The following RYR2 variants were observed in gnomAD, a reference collection of about 807,000 sequenced individuals.
The protein encoded by RYR2 is cardiac muscle ryanodine receptor-calcium release channel.
A neutral mutation model predicts 601.1 loss-of-function variants in RYR2; 227 were observed. The observed-to-expected ratio is 0.38, with a 90% CI of 0.34 to 0.42. The LOEUF is 0.42. Among genes scored for constraint, RYR2 ranks in the 10% least tolerant of loss-of-function variants. The probability of loss-of-function intolerance (pLI) is 1.00; values close to 1 mark genes in which losing one functional copy is unlikely to be tolerated. For missense variants in RYR2, 4,646 were observed against 6,156.5 expected (o/e 0.75, Z 8.21); for synonymous variants, 2,223 against 2,175.1 (o/e 1.02, Z -0.61).
intron 2 of RYR2, among the ~76,000 whole-genome samples, chr1:237,306,802 G>A (rs1383719714): frequency 3.3e-5 from 5 of 152,126 alleles, no homozygotes; most frequent in Non-Finnish European, 2.9e-5. Flanking sequence ...GGGCATGAAA[G>A]GTTAGATAAC....
chr1:237,216,529 G>A (rs1261050618), intron 1 of RYR2, among the ~76,000 whole-genome samples: 1 of 152,040 alleles, frequency 6.6e-6, no homozygotes, highest in Non-Finnish European at 1.5e-5. Flanking sequence ...CCTGATGTCA[G>A]GAGTTTGAGA....
At chr1:237,338,374 C>A (rs1017317127) in intron 3 of RYR2, among the ~76,000 whole-genome samples, 1 of 152,086 alleles carries the variant, frequency 6.6e-6, no homozygotes, top group Middle Eastern at 3.4e-3. Context: ...TTCTGAGTTT[C>A]CAGTAGTTAA....
chr1:237,669,744 A>C lies in RYR2; in HGVS notation c.8590+1786A>C, dbSNP rs575356728. Among the ~76,000 whole-genome samples the C allele has an allele frequency of 1.0e-4, 15 of 149,236 alleles. No individual in the cohort carries two copies. In the South Asian group the frequency reaches 3.0e-3, roughly 30 times the overall value. On this transcript the variant is annotated intron_variant, in intron 58 of 104. Coordinates refer to ENST00000366574, the MANE Select transcript of RYR2 (RefSeq NM_001035.3). ...CCTAGATGTGATGGCGGCTGGGAAGAGGCGCTCCTCACTTCCTAGATGGGA... is the reference window on the plus strand; with the variant it reads ...CCTAGATGTGATGGCGGCTGGGAAGCGGCGCTCCTCACTTCCTAGATGGGA...
At chr1:237,589,688 G>T (rs888346807) in intron 29 of RYR2, 105 bp from the exon 30 acceptor site, 9 of 1,016,104 alleles carry the variant, frequency 8.9e-6, no homozygotes, top group South Asian at 1.5e-5. Context: ...ACCCTAGGGT[G>T]ACAGCTCTCA....
In RYR2 at chr1:237,664,741, C is replaced by T. The variant is rs1024447710; in HGVS notation, c.8437-1771C>T. On this transcript the variant is annotated intron_variant, in intron 56 of 104. Transcript: ENST00000366574. The stretch of plus-strand genomic sequence containing the variant: ...TAATAATGGATGAAGGGGAGTAACC[C>T]GAGATGGTTGCCATGGATTCTAGCT... Among the ~76,000 whole-genome samples, 9 of 152,108 alleles carry T rather than the reference C, an allele frequency of 5.9e-5. No homozygotes were observed. The South Asian group carries it at 1.9e-3, about 32-fold the overall frequency.
At chr1:237,307,980 C>T (rs546170781) in intron 2 of RYR2, among the ~76,000 whole-genome samples, 17 of 151,760 alleles carry the variant, frequency 1.1e-4, no homozygotes, top group Non-Finnish European at 5.9e-5. Flanking sequence ...TGACTGAGGG[C>T]TAGGAAAATG....
chr1:237,391,320 G>T (rs903631343), intron 10 of RYR2, among the ~76,000 whole-genome samples: 51 of 152,064 alleles, frequency 3.4e-4, no homozygotes, highest in African/African-American at 1.1e-3. Flanking sequence ...ATTAAACAAA[G>T]AAGTAAAAGT....
chr1:237,544,852 G>A (rs764456952), intron 25 of RYR2, among the ~76,000 whole-genome samples: 23 of 152,102 alleles, frequency 1.5e-4, no homozygotes, highest in Non-Finnish European at 2.8e-4. Context: ...CATTCATGAT[G>A]TCAATAGTGT....
chr1:237,606,776 A>G (rs1437932490), intron 35 of RYR2, among the ~76,000 whole-genome samples: 1 of 152,242 alleles, frequency 6.6e-6, no homozygotes, highest in Non-Finnish European at 1.5e-5. Context: ...GGATATGAAC[A>G]GACACTTCTC....
At position 237,631,454 on chromosome 1, in the gene RYR2, C is replaced by T. The variant is rs1057522408; in HGVS notation, c.6468C>T (p.Tyr2156=). 1.4e-5 allele frequency: 22 copies of T among 1,613,196 alleles called. No individual in the cohort carries two copies. Among genetic ancestry groups the T allele is most frequent in the Non-Finnish European group, 1.8e-5 (21 of 1,179,628 alleles). ...LGDIMNNKVF[Y]QHPNLMRALG... The stretch of plus-strand genomic sequence containing the variant: ...ATATTATGAATAACAAAGTGTTTTA[C>T]CAGCACCCTAATCTCATGAGGGCAC... The change falls in exon 42 of 105, where the codon TAC becomes TAT. Residue 2156 remains tyrosine, a synonymous_variant. Transcript: ENST00000366574.
At chr1:237,247,678 C>T (rs1464544625) in intron 1 of RYR2, among the ~76,000 whole-genome samples, 2 of 152,032 alleles carry the variant, frequency 1.3e-5, no homozygotes, top group East Asian at 1.9e-4. Flanking sequence ...AAAAGAGAAA[C>T]ATTTTGCAGA....
chr1:237,517,121 T>C (rs542005545), intron 24 of RYR2, among the ~76,000 whole-genome samples: 81 of 152,308 alleles, frequency 5.3e-4, no homozygotes, highest in African/African-American at 1.9e-3. Context: ...CCTTGTTCCT[T>C]ATGTTCCAGC....
intron 65 of RYR2, among the ~76,000 whole-genome samples, chr1:237,701,080 C>T (rs1687928917): frequency 6.6e-6 from 1 of 152,218 alleles, no homozygotes; most frequent in African/African-American, 2.4e-5. Context: ...CACTGCCCTG[C>T]TCAGGACATG....
At chr1:237,785,005 T>C in intron 90 of RYR2, 33 bp downstream of exon 90, 1 of 1,435,844 alleles carries the variant, frequency 7.0e-7, no homozygotes, top group South Asian at 1.2e-5. Context: ...CAGCATTCTC[T>C]CTGGACTTCA....
chr1:237,617,721 A>G (rs1399030864), intron 38 of RYR2, among the ~76,000 whole-genome samples: 2 of 152,214 alleles, frequency 1.3e-5, no homozygotes, highest in Non-Finnish European at 2.9e-5. Flanking sequence ...GAGAAGGCCA[A>G]GATATGCCAG....
chr1:237,680,004 A>G (rs1206625615), intron 61 of RYR2, among the ~76,000 whole-genome samples: 1 of 152,204 alleles, frequency 6.6e-6, no homozygotes, highest in Non-Finnish European at 1.5e-5. Flanking sequence ...CTAAGTAGCA[A>G]TGTGACCTTC....
chr1:237,777,259 G>C (rs998982834), intron 87 of RYR2, among the ~76,000 whole-genome samples: 1 of 152,004 alleles, frequency 6.6e-6, no homozygotes, highest in Non-Finnish European at 1.5e-5. Context: ...CACCCCTTTT[G>C]CAGGTAGTGA....
At position 237,717,290 on chromosome 1, in the gene RYR2, G is replaced by T. The variant is rs1021974352; in HGVS notation, c.10416G>T (p.Arg3472=). The stretch of plus-strand genomic sequence containing the variant: ...CTCTGATTGTAGCAGCTCTGAAGCG[G>T]TTACTGCCCATTGGGTTGAACATCT... The part of the protein sequence containing the change: ...QTSLIVAALK[R]LLPIGLNICA... Residue 3472 remains arginine (R), a synonymous_variant, in exon 72 of 105, where the codon CGG becomes CGT. Coordinates refer to ENST00000366574, the MANE Select transcript of RYR2 (RefSeq NM_001035.3). 1 of 1,613,354 alleles carries T rather than the reference G, an allele frequency of 6.2e-7. No individual in the cohort carries two copies. Among genetic ancestry groups the T allele is most frequent in the African/African-American group, 1.3e-5 (1 of 74,910 alleles).
At chr1:237,309,286 G>A (rs1206301232) in intron 2 of RYR2, among the ~76,000 whole-genome samples, 118 of 119,856 alleles carry the variant, frequency 9.8e-4, no homozygotes, top group South Asian at 1.4e-3. Flanking sequence ...TAGACATAAA[G>A]GTTCTCCAAG....
Sources: gnomAD v4.1 joint callset for allele counts (sites outside exome capture counted in the v4.1 genomes callset) on GRCh38, gnomAD v4.1.1 for gene constraint, MANE v1.5 for transcripts, NCBI Gene and HGNC (gene_info 2026-07-23, HGNC 2026-07-21) for gene names.